ZBTB16: variants seen among roughly 807,000 people sequenced by gnomAD.
ZBTB16 encodes the protein zinc finger and BTB domain-containing protein 16.
A neutral mutation model predicts 56.8 loss-of-function variants in ZBTB16; 8 were observed. That is an observed-to-expected ratio of 0.14 (90% CI 0.08 to 0.25). The LOEUF is 0.25. Among genes scored for constraint, ZBTB16 ranks in the 10% least tolerant of loss-of-function variants. ZBTB16 has a pLI of 1.00. For synonymous variants in ZBTB16, 363 were observed against 368.5 expected (o/e 0.98, Z 0.17); for missense variants, 625 against 903.0 (o/e 0.69, Z 3.95).
At chr11:114,233,170 T>C (rs1944495045) in intron 4 of ZBTB16, among the ~76,000 whole-genome samples, 1 of 150,850 alleles carries the variant, frequency 6.6e-6, no homozygotes, top group Non-Finnish European at 1.5e-5. Context: ...CTGCTTGCTC[T>C]TGGAGAAGTT....
At chr11:114,139,030 C>T (rs758289036) in intron 2 of ZBTB16, among the ~76,000 whole-genome samples, 1 of 152,116 alleles carries the variant, frequency 6.6e-6, no homozygotes, top group South Asian at 2.1e-4. Flanking sequence ...TCATTTCCTG[C>T]GTCTCACCTG....
chr11:114,088,318 T>C (rs563381406), intron 2 of ZBTB16, among the ~76,000 whole-genome samples: 22 of 152,002 alleles, frequency 1.4e-4, no homozygotes, highest in Admixed American at 3.9e-4. Flanking sequence ...ATTTTTGTAT[T>C]TTTAGTAGAG....
At chr11:114,110,051 G>C (rs554284893) in intron 2 of ZBTB16, among the ~76,000 whole-genome samples, 1 of 152,098 alleles carries the variant, frequency 6.6e-6, no homozygotes, top group Admixed American at 6.5e-5. Flanking sequence ...CTATTTTGAG[G>C]GGACTAGACT....
At position 114,104,011 on chromosome 11, in the gene ZBTB16, G is replaced by A. The variant is rs927850985; in HGVS notation, c.1268+39443G>A. Among the ~76,000 whole-genome samples the A allele has an allele frequency of 2.0e-5, 3 of 152,052 alleles. No homozygotes were observed. In the East Asian group the frequency reaches 5.8e-4, roughly 29 times the overall value. On this transcript the variant is annotated intron_variant, in intron 2 of 6. Transcript: ENST00000335953. Reference sequence around the variant, plus strand: ...CTCTTCTCATCCTCCCTCCTTCCTCGCAGACCAGCATTTTGGCCAGGGTGC... The same window carrying A: ...CTCTTCTCATCCTCCCTCCTTCCTCACAGACCAGCATTTTGGCCAGGGTGC...
At chr11:114,100,106 C>G (rs759715095) in intron 2 of ZBTB16, among the ~76,000 whole-genome samples, 6 of 152,262 alleles carry the variant, frequency 3.9e-5, no homozygotes, top group Non-Finnish European at 8.8e-5. Flanking sequence ...GGAACATGAT[C>G]TCTTAATGAC....
chr11:114,190,730 T>TATATACAC lies in ZBTB16; in HGVS notation c.1453+3693_1453+3694insTATACACA, dbSNP rs1404711208. Among the ~76,000 whole-genome samples, 591 of 143,564 alleles carry TATATACAC rather than the reference T, an allele frequency of 4.1e-3. 5 individuals are homozygous for TATATACAC. Among genetic ancestry groups the TATATACAC allele is most frequent in the African/African-American group, 0.014 (559 of 40,250 alleles). The allele number at this position is 143,564 out of a possible 152,430, so 94.2% of individuals were successfully genotyped here. A position where few individuals can be genotyped will look rare whatever the true frequency, so the allele number is the denominator to read the frequency against. On this transcript the variant is annotated intron_variant, in intron 4 of 6. Coordinates refer to ENST00000335953, the MANE Select transcript of ZBTB16 (RefSeq NM_006006.6). ...CATCACTCATGCCACCTCTCTCTCATACACACACACACACACACACACACA... is the reference window on the plus strand; with the variant it reads ...CATCACTCATGCCACCTCTCTCTCATATATACACACACACACACACACACACACACACA...
At chr11:114,229,934 T>C (rs1424337807) in intron 4 of ZBTB16, among the ~76,000 whole-genome samples, 2 of 152,156 alleles carry the variant, frequency 1.3e-5, no homozygotes, top group African/African-American at 4.8e-5. Context: ...GTTCCTTTGG[T>C]TCACCTGGAA....
chr11:114,254,520 A>G lies in ZBTB16; in HGVS notation c.*3965A>G, dbSNP rs960197437. On this transcript the variant is annotated 3_prime_UTR_variant, in exon 7 of 7. Transcript: ENST00000335953. ...CTTACCTCCCTATAGGGGAGAGAGC[A>G]GAGGTGGGGCAGCCTTTCGACTCTG... 1.3e-5 allele frequency among the ~76,000 whole-genome samples: 2 copies of G among 152,170 alleles called. No individual in the cohort carries two copies. The highest frequency in any genetic ancestry group is 4.8e-5 in the African/African-American group (2 of 41,428).
chr11:114,233,081 G>GCACACACA (rs1198148768), intron 4 of ZBTB16, among the ~76,000 whole-genome samples: 30 of 87,552 alleles, frequency 3.4e-4, no homozygotes, highest in South Asian at 2.9e-3. Context: ...GCGCGCGCGC[G>GCACACACA]CACACACACA....
intron 2 of ZBTB16, among the ~76,000 whole-genome samples, chr11:114,129,988 A>G (rs1344793127): frequency 3.9e-5 from 6 of 152,246 alleles, no homozygotes; most frequent in South Asian, 2.1e-4. Flanking sequence ...ATTGATTTTC[A>G]TATTGATTTC....
intron 4 of ZBTB16, among the ~76,000 whole-genome samples, chr11:114,191,566 C>A (rs139174947): frequency 3.9e-5 from 6 of 152,190 alleles, no homozygotes; most frequent in Non-Finnish European, 8.8e-5. Flanking sequence ...ACCCAACTCA[C>A]GTGCTCTTTC....
chr11:114,247,155 G>A, intron 5 of ZBTB16, 43 bp from the exon 6 acceptor site: 1 of 1,613,732 alleles, frequency 6.2e-7, no homozygotes, highest in South Asian at 1.1e-5. Flanking sequence ...TGAAGAGGGG[G>A]CAGGGAGAGG....
chr11:114,134,293 TG>T (rs142850134), intron 2 of ZBTB16, among the ~76,000 whole-genome samples: 1,809 of 152,342 alleles, frequency 0.012, 33 homozygotes, highest in African/African-American at 0.04. Context: ...CAACTCTGGT[TG>T]CATTGCTGCC....
intron 2 of ZBTB16, among the ~76,000 whole-genome samples, chr11:114,130,224 A>G (rs1050000610): frequency 6.6e-6 from 1 of 152,214 alleles, no homozygotes; most frequent in African/African-American, 2.4e-5. Context: ...AGACTGCATC[A>G]TCCAGGTGAC....
chr11:114,249,382 C>T (rs1228898696), intron 6 of ZBTB16, among the ~76,000 whole-genome samples: 7 of 141,212 alleles, frequency 5.0e-5, no homozygotes, highest in South Asian at 2.3e-4. Flanking sequence ...CACTTGAACC[C>T]GGGAGGCAGA....
At chr11:114,070,369 A>C (rs1251822890) in intron 2 of ZBTB16, among the ~76,000 whole-genome samples, 5 of 151,922 alleles carry the variant, frequency 3.3e-5, no homozygotes, top group Non-Finnish European at 7.4e-5. Flanking sequence ...CGGCCTCCCA[A>C]AGTGCTGGGA....
At chr11:114,061,556 G>A (rs1315370080) in intron 1 of ZBTB16, 8 of 152,354 alleles carry the variant, frequency 5.3e-5, no homozygotes, top group African/African-American at 1.9e-4. Flanking sequence ...CCTTCTGGGG[G>A]TGGAGGCAAG....
chr11:114,157,661 A>C (rs1457121937), intron 3 of ZBTB16, among the ~76,000 whole-genome samples: 1 of 151,916 alleles, frequency 6.6e-6, no homozygotes, highest in African/African-American at 2.4e-5. Flanking sequence ...TCAGCTCCCC[A>C]CTGCCTTGCT....
At chr11:114,098,051 T>C (rs1267439960) in intron 2 of ZBTB16, among the ~76,000 whole-genome samples, 1 of 152,232 alleles carries the variant, frequency 6.6e-6, no homozygotes, top group Non-Finnish European at 1.5e-5. Flanking sequence ...CTGCAACTGG[T>C]GGCAGATGTA....
Sources: allele counts gnomAD v4.1 joint callset (sites outside exome capture counted in the v4.1 genomes callset), GRCh38; gene constraint gnomAD v4.1.1; transcripts MANE v1.5; gene names NCBI Gene and HGNC (gene_info 2026-07-23, HGNC 2026-07-21).